Variants in ZNG1B observed in about 807,000 individuals in gnomAD.
ZNG1B encodes Zn regulated GTPase metalloprotein activator 1B.
At chr2:113,484,268 GA>G in the ZNG1B span, among the ~76,000 whole-genome samples, 1 of 146,676 alleles carries the variant, frequency 6.8e-6, no homozygotes, top group Non-Finnish European at 1.5e-5. Flanking sequence ...AAACTGGGAA[GA>G]ACTTAGCAAG....
chr2:113,438,363 A>G, the ZNG1B span, among the ~76,000 whole-genome samples: 1 of 152,016 alleles, frequency 6.6e-6, no homozygotes, highest in Non-Finnish European at 1.5e-5. Context: ...CTGAAAATGG[A>G]GAAATACCTG....
chr2:113,476,625 G>GT, the ZNG1B span, among the ~76,000 whole-genome samples: 2 of 150,014 alleles, frequency 1.3e-5, no homozygotes, highest in Non-Finnish European at 1.5e-5. Context: ...TTTCTGCTCT[G>GT]TTTTTTCCCC....
chr2:113,464,854 T>C, the ZNG1B span, among the ~76,000 whole-genome samples: 113 of 152,220 alleles, frequency 7.4e-4, no homozygotes, highest in Middle Eastern at 3.4e-3. Flanking sequence ...GTCTTTTTAT[T>C]AACCACAAAG....
chr2:113,447,023 T>C, the ZNG1B span, among the ~76,000 whole-genome samples: 2 of 147,492 alleles, frequency 1.4e-5, no homozygotes, highest in Non-Finnish European at 3.0e-5. Context: ...ATTCTTATAC[T>C]GTACAGCCAT....
chr2:113,455,044 T>C, the ZNG1B span, among the ~76,000 whole-genome samples: 6 of 152,190 alleles, frequency 3.9e-5, no homozygotes, highest in African/African-American at 1.4e-4. Flanking sequence ...GAGTTTGGTA[T>C]GTATAACTCT....
At chr2:113,484,627 C>T in the ZNG1B span, among the ~76,000 whole-genome samples, 6 of 151,816 alleles carry the variant, frequency 4.0e-5, no homozygotes, top group Admixed American at 3.3e-4. Context: ...GTGTACAATT[C>T]GATGTTTGGG....
chr2:113,471,581 A>G, the ZNG1B span, among the ~76,000 whole-genome samples: 2 of 151,504 alleles, frequency 1.3e-5, no homozygotes, highest in African/African-American at 4.9e-5. Context: ...CGCTGCACCC[A>G]CTGACTCGTC....
At chr2:113,441,413 G>A in the ZNG1B span, 1 of 1,604,680 alleles carries the variant, frequency 6.2e-7, no homozygotes, top group Non-Finnish European at 8.5e-7. Context: ...AAGAGTAGCG[G>A]TCATTTTAAA....
chr2:113,456,541 T>A, the ZNG1B span, among the ~76,000 whole-genome samples: 274 of 152,294 alleles, frequency 1.8e-3, no homozygotes, highest in African/African-American at 6.3e-3. Context: ...TAATTTTATA[T>A]GTATAGTTGA....
At chr2:113,450,912 C>T in the ZNG1B span, among the ~76,000 whole-genome samples, 5 of 145,600 alleles carry the variant, frequency 3.4e-5, no homozygotes, top group Non-Finnish European at 7.5e-5. Flanking sequence ...CCAAATGGGG[C>T]AATGTGGCTT....
At chr2:113,469,910 T>A in the ZNG1B span, 1 of 151,404 alleles carries the variant, frequency 6.6e-6, no homozygotes, top group African/African-American at 2.4e-5. Flanking sequence ...GAATCTAAAT[T>A]TGAAATTATA....
At chr2:113,462,827 A>T in the ZNG1B span, 1 of 420,498 alleles carries the variant, frequency 2.4e-6, no homozygotes, top group Non-Finnish European at 4.2e-6. Context: ...TTTCCCATGG[A>T]TGCATCCTGT....
At chr2:113,455,649 T>A in the ZNG1B span, 4 of 1,286,810 alleles carry the variant, frequency 3.1e-6, no homozygotes, top group Non-Finnish European at 4.0e-6. Flanking sequence ...AAGCAGTAAT[T>A]TCTTAGAAGT....
the ZNG1B span, among the ~76,000 whole-genome samples, chr2:113,454,526 TA>T: frequency 6.7e-6 from 1 of 149,802 alleles, no homozygotes; most frequent in African/African-American, 2.4e-5. Flanking sequence ...TCTAGTGCCT[TA>T]AAATAGTGCT....
the ZNG1B span, among the ~76,000 whole-genome samples, chr2:113,439,422 TC>T: frequency 6.6e-6 from 1 of 151,990 alleles, no homozygotes; most frequent in South Asian, 2.1e-4. Flanking sequence ...TCTGTTACCA[TC>T]CCCCCAAATC....
At chr2:113,445,079 C>A in the ZNG1B span, 1 of 1,603,270 alleles carries the variant, frequency 6.2e-7, no homozygotes. Context: ...TTGTTAATAA[C>A]CAGAATATAG....
the ZNG1B span, among the ~76,000 whole-genome samples, chr2:113,488,125 C>T: frequency 2.6e-5 from 4 of 152,020 alleles, no homozygotes; most frequent in Middle Eastern, 3.2e-3. Context: ...ACCCTCCTAC[C>T]GCCTCCACTG....
the ZNG1B span, among the ~76,000 whole-genome samples, chr2:113,468,070 G>A: frequency 6.6e-6 from 1 of 151,906 alleles, no homozygotes; most frequent in African/African-American, 2.4e-5. Flanking sequence ...AGGAGCAACA[G>A]GTCGGGTAGT....
At chr2:113,471,944 T>C in the ZNG1B span, among the ~76,000 whole-genome samples, 11 of 151,808 alleles carry the variant, frequency 7.2e-5, no homozygotes, top group Non-Finnish European at 1.6e-4. Flanking sequence ...AATAAACATA[T>C]GTGTGCATAT....
Sources: gnomAD v4.1 joint callset for allele counts (sites outside exome capture counted in the v4.1 genomes callset) on GRCh38, gnomAD v4.1.1 for gene constraint, MANE v1.5 for transcripts, NCBI Gene and HGNC (gene_info 2026-07-23, HGNC 2026-07-21) for gene names.